SYN3: variants seen among roughly 807,000 people sequenced by gnomAD.
The protein encoded by SYN3 is synapsin III.
Under a neutral mutation model 65.8 loss-of-function variants are expected in SYN3, and 35 were observed. The ratio of observed to expected loss-of-function variants is 0.53; its 90% confidence interval spans 0.41 to 0.70. SYN3 has a LOEUF of 0.70. Ranked by LOEUF, SYN3 falls within the 30% of genes least tolerant of loss-of-function variation. SYN3 has a pLI of 0.00. For missense variants in SYN3, 680 were observed against 749.0 expected, an observed-to-expected ratio of 0.91 and a Z score of 1.08; for synonymous variants, 270 against 292.9, an observed-to-expected ratio of 0.92 and a Z score of 0.80.
At chr22:32,832,673 G>GTATTT (rs564439917) in intron 6 of SYN3, among the ~76,000 whole-genome samples, 1,728 of 151,554 alleles carry the variant, frequency 0.011, 27 homozygotes, top group African/African-American at 0.034. Context: ...AAACCCTCGA[G>GTATTT]TATTTTATTT....
chr22:32,834,471 C>T (rs2047672990), intron 6 of SYN3, among the ~76,000 whole-genome samples: 1 of 152,116 alleles, frequency 6.6e-6, no homozygotes, highest in Non-Finnish European at 1.5e-5. Context: ...CCAAGCCCAC[C>T]TTTTGATAGG....
At chr22:32,971,710 A>C (rs576384776) in intron 3 of SYN3, among the ~76,000 whole-genome samples, 1 of 152,330 alleles carries the variant, frequency 6.6e-6, no homozygotes, top group African/African-American at 2.4e-5. Flanking sequence ...TATGGAAAGT[A>C]ATTTTGCAAT....
chr22:32,518,711 A>T (rs1184633771), intron 12 of SYN3, among the ~76,000 whole-genome samples: 3 of 152,192 alleles, frequency 2.0e-5, no homozygotes, highest in Non-Finnish European at 4.4e-5. Context: ...CACTAAAACC[A>T]GTGTGCCTCA....
chr22:32,596,579 CTAAGGGGTTGATGGGTG>C, intron 7 of SYN3, 78 bp downstream of exon 7: 2 of 1,324,372 alleles, frequency 1.5e-6, no homozygotes, highest in Non-Finnish European at 2.1e-6. Context: ...GGTGCCTGTG[CTAAGGGGTTGATGGGTG>C]ACAGAGGGAG....
intron 2 of SYN3, 87 bp from the exon 3 acceptor site, chr22:32,980,789 C>T: frequency 1.8e-6 from 2 of 1,119,892 alleles, no homozygotes; most frequent in Non-Finnish European, 2.7e-6. Context: ...CCCAGAGGTG[C>T]ATATTGAGAC....
In SYN3 at chr22:33,019,639, C is replaced by A. The variant is rs184008934; in HGVS notation, c.-162-12815G>T. On this transcript the variant is annotated intron_variant, in intron 1 of 13. Transcript: ENST00000358763. The stretch of plus-strand genomic sequence containing the variant: ...TTATTTATTTATTACAGTTGATTTT[C>A]TTGTTGTTGTTTGTTTTTGGTTTTG... Among the ~76,000 whole-genome samples the A allele has an allele frequency of 1.6e-3, 247 of 152,238 alleles. 2 individuals carry two copies. The highest frequency in any genetic ancestry group is 5.7e-3 in the African/African-American group (235 of 41,556).
In SYN3 at chr22:32,509,658, T is replaced by C. The variant is rs62232671; in HGVS notation, c.*4034A>G. ...ATCTCGGCTCACTGCAAGCTCCGCC[T>C]CCCGGGTTCACGCCATTCTCCTGCC... On this transcript the variant is annotated 3_prime_UTR_variant, in exon 14 of 14. Coordinates refer to ENST00000358763, the MANE Select transcript of SYN3 (RefSeq NM_003490.4). Among the ~76,000 whole-genome samples, 21,756 of 151,946 alleles carry C rather than the reference T, an allele frequency of 0.14. 2,022 individuals are homozygous for C. Among genetic ancestry groups the C allele is most frequent in the Non-Finnish European group, 0.22 (14,939 of 67,922 alleles).
chr22:32,881,568 GC>G (rs1417841445), intron 4 of SYN3, among the ~76,000 whole-genome samples: 1 of 152,044 alleles, frequency 6.6e-6, no homozygotes, highest in Non-Finnish European at 1.5e-5. Context: ...ACCCATCTCC[GC>G]CCCCAGAGCA....
rs770217596 is a variant in SYN3 at position 32,513,757 on chromosome 22, C to T, written c.1678G>A (p.Asp560Asn). 2 of 1,614,178 alleles carry T rather than the reference C, an allele frequency of 1.2e-6. No homozygotes were observed. The highest frequency in any genetic ancestry group is 4.5e-5 in the East Asian group (2 of 44,870). The change falls in exon 14 of 14, where the codon GAC becomes AAC. Residue 560 changes from aspartate (D) to asparagine (N), a missense_variant. Asp to Asn is a conservative substitution (Grantham distance 23). Coordinates refer to ENST00000358763, the MANE Select transcript of SYN3 (RefSeq NM_003490.4). Reference protein sequence around the residue: ...DTSQRGTPSEDEAKAETIRNL... With the variant: ...DTSQRGTPSENEAKAETIRNL... ...CGGATGGTTTCAGCCTTGGCCTCGTCTTCACTTGGGGTCCCACGCTGGGAG... is the reference window on the plus strand; with the variant it reads ...CGGATGGTTTCAGCCTTGGCCTCGTTTTCACTTGGGGTCCCACGCTGGGAG...
intron 7 of SYN3, among the ~76,000 whole-genome samples, chr22:32,581,099 T>C (rs2058934053): frequency 6.6e-6 from 1 of 152,178 alleles, no homozygotes; most frequent in African/African-American, 2.4e-5. Flanking sequence ...CTAGGGACAT[T>C]TACTGGCCCT....
At chr22:32,833,313 G>C (rs954425433) in intron 6 of SYN3, among the ~76,000 whole-genome samples, 4 of 152,194 alleles carry the variant, frequency 2.6e-5, no homozygotes, top group Non-Finnish European at 4.4e-5. Context: ...TTATCCTGGA[G>C]ATGATTTGGG....
intron 6 of SYN3, among the ~76,000 whole-genome samples, chr22:32,693,420 G>A (rs1438409103): frequency 3.3e-5 from 5 of 152,078 alleles, no homozygotes; most frequent in South Asian, 2.1e-4. Context: ...ATGTGCAACT[G>A]AAAATTTATG....
At chr22:32,994,029 C>G (rs938300663) in intron 2 of SYN3, among the ~76,000 whole-genome samples, 1 of 152,082 alleles carries the variant, frequency 6.6e-6, no homozygotes. Context: ...CTGTTCCCCC[C>G]TCCTCCCCGA....
chr22:32,685,694 A>G (rs1253067761), intron 6 of SYN3, among the ~76,000 whole-genome samples: 1 of 152,230 alleles, frequency 6.6e-6, no homozygotes, highest in African/African-American at 2.4e-5. Flanking sequence ...TGTTCACATA[A>G]TGACGAAATT....
intron 1 of SYN3, among the ~76,000 whole-genome samples, chr22:33,028,595 G>A (rs1396620012): frequency 6.6e-6 from 1 of 150,442 alleles, no homozygotes; most frequent in Admixed American, 6.7e-5. Context: ...GGATTAAGCA[G>A]CAAGGAGGGG....
chr22:32,957,195 G>A (rs1221652576), intron 3 of SYN3, among the ~76,000 whole-genome samples: 7 of 152,166 alleles, frequency 4.6e-5, no homozygotes, highest in Admixed American at 2.0e-4. Flanking sequence ...CCAGAAGCAC[G>A]AGGGCTCCAA....
At position 32,876,380 on chromosome 22, in the gene SYN3, C is replaced by T. The variant is rs1176249776; in HGVS notation, c.462-7255G>A. ...ACACACATATTCAGACCATAGCAAA[C>T]CCCAACAATAAAAAACCTTCACTTT... On this transcript the variant is annotated intron_variant, in intron 4 of 13. Coordinates refer to ENST00000358763, the MANE Select transcript of SYN3 (RefSeq NM_003490.4). Among the ~76,000 whole-genome samples the T allele has an allele frequency of 2.0e-5, 3 of 152,176 alleles. No homozygotes were observed. The East Asian group carries it at 5.8e-4, about 29-fold the overall frequency.
intron 3 of SYN3, among the ~76,000 whole-genome samples, chr22:32,968,249 T>C (rs2051908072): frequency 1.3e-5 from 2 of 152,226 alleles, no homozygotes; most frequent in South Asian, 4.1e-4. Flanking sequence ...GTGGCGAGGA[T>C]GTACATGCAT....
chr22:32,661,020 C>T lies in SYN3; in HGVS notation c.712-64284G>A, dbSNP rs375925492. Among the ~76,000 whole-genome samples the T allele has an allele frequency of 2.9e-3, 439 of 152,310 alleles. 10 individuals are homozygous for T. The East Asian group carries it at 0.061, about 21-fold the overall frequency. On this transcript the variant is annotated intron_variant, in intron 6 of 13. Transcript: ENST00000358763. Reference sequence around the variant, plus strand: ...TAACCTATCTCTGCTCAAAAGGTGTCAACCTTGTCCACATCAGCCAGGATG... The same window carrying T: ...TAACCTATCTCTGCTCAAAAGGTGTTAACCTTGTCCACATCAGCCAGGATG...
Sources: allele counts gnomAD v4.1 joint callset (sites outside exome capture counted in the v4.1 genomes callset), GRCh38; gene constraint gnomAD v4.1.1; transcripts MANE v1.5; gene names NCBI Gene and HGNC (gene_info 2026-07-23, HGNC 2026-07-21).